Variants in FBXL13 observed in about 807,000 individuals in gnomAD.
FBXL13 encodes F-box and leucine-rich repeat protein 13.
In FBXL13, 67 loss-of-function variants were observed where a neutral mutation model predicts 83.6. That is an observed-to-expected ratio of 0.80 (90% CI 0.66 to 0.98). FBXL13 has a LOEUF of 0.98. Ranked by LOEUF, FBXL13 falls within the 50% of genes least tolerant of loss-of-function variation. The pLI is 0.00. For missense variants in FBXL13, 822 were observed against 866.5 expected (o/e 0.95, Z 0.64); for synonymous variants, 272 against 299.5 (o/e 0.91, Z 0.95).
intron 1 of FBXL13, among the ~76,000 whole-genome samples, chr7:103,068,245 A>C (rs755733159): frequency 6.6e-6 from 1 of 152,244 alleles, no homozygotes; most frequent in African/African-American, 2.4e-5. Context: ...CCAACAAAAC[A>C]TAGAGATTGG....
chr7:102,873,055 T>C (rs1263924801), intron 16 of FBXL13, among the ~76,000 whole-genome samples: 1 of 152,226 alleles, frequency 6.6e-6, no homozygotes, highest in Non-Finnish European at 1.5e-5. Flanking sequence ...AAGTTAGCTC[T>C]CTCCAATAAA....
At chr7:103,043,830 A>T (rs1796001061) in intron 2 of FBXL13, among the ~76,000 whole-genome samples, 1 of 152,276 alleles carries the variant, frequency 6.6e-6, no homozygotes, top group South Asian at 2.1e-4. Flanking sequence ...TACACATCTT[A>T]AAAGCAAAAA....
At chr7:102,975,616 G>A (rs920481543) in intron 6 of FBXL13, among the ~76,000 whole-genome samples, 1 of 152,136 alleles carries the variant, frequency 6.6e-6, no homozygotes, top group African/African-American at 2.4e-5. Flanking sequence ...AGGTCCTAAC[G>A]AAAACCCAGC....
chr7:102,918,550 T>C (rs7807900), intron 10 of FBXL13, among the ~76,000 whole-genome samples: 5,443 of 152,268 alleles, frequency 0.036, 292 homozygotes, highest in African/African-American at 0.12. Flanking sequence ...ACAGAGTGGA[T>C]CATGCCTATA....
intron 8 of FBXL13, among the ~76,000 whole-genome samples, chr7:102,957,347 A>G (rs1451781211): frequency 1.3e-5 from 2 of 152,232 alleles, no homozygotes; most frequent in Non-Finnish European, 2.9e-5. Context: ...GAAAGCTGAA[A>G]CTGGATCCCT....
intron 11 of FBXL13, among the ~76,000 whole-genome samples, chr7:102,890,125 C>T (rs1811351523): frequency 6.6e-6 from 1 of 152,208 alleles, no homozygotes; most frequent in Non-Finnish European, 1.5e-5. Flanking sequence ...TTATGACTCA[C>T]ATATTCCTCC....
intron 18 of FBXL13, among the ~76,000 whole-genome samples, chr7:102,824,939 T>G (rs1799374376): frequency 1.3e-5 from 2 of 152,146 alleles, no homozygotes; most frequent in Non-Finnish European, 2.9e-5. Context: ...CTTGCTTTTT[T>G]GTTTTTCCTA....
chr7:102,919,361 A>G (rs1252593444), intron 10 of FBXL13, among the ~76,000 whole-genome samples: 1 of 152,258 alleles, frequency 6.6e-6, no homozygotes, highest in Non-Finnish European at 1.5e-5. Context: ...GGACAGGAAT[A>G]AAATCGGATC....
rs73410116 is a variant in FBXL13, at chr7:103,028,222, T to C, written c.217+378A>G. Among the ~76,000 whole-genome samples the C allele has an allele frequency of 6.7e-3, 1,022 of 152,290 alleles. 12 individuals are homozygous for C. The highest frequency in any genetic ancestry group is 0.023 in the African/African-American group (945 of 41,548). ...TTTTATTTTTTAGTTTCGTCATATATACATTAAATATAATCTTTGTAAAAA... is the reference window on the plus strand; with the variant it reads ...TTTTATTTTTTAGTTTCGTCATATACACATTAAATATAATCTTTGTAAAAA... On this transcript the variant is annotated intron_variant, in intron 4 of 19. Transcript: ENST00000313221.
chr7:102,836,122 C>A (rs1378112139), intron 17 of FBXL13, among the ~76,000 whole-genome samples: 1 of 152,214 alleles, frequency 6.6e-6, no homozygotes, highest in African/African-American at 2.4e-5. Flanking sequence ...CTGCTCGAAT[C>A]AAATCTGCCT....
Position 103,030,471 on chromosome 7 carries a change from A to G in FBXL13, c.1-1053T>C, listed in dbSNP as rs1794388133. 2.6e-5 allele frequency among the ~76,000 whole-genome samples: 4 copies of G among 152,348 alleles called. No homozygotes were observed. In the South Asian group the frequency reaches 8.3e-4, roughly 32 times the overall value. On this transcript the variant is annotated intron_variant, in intron 2 of 19. Transcript: ENST00000313221. ...AAAGGAGTATTGAGGATATTACAGC[A>G]GGCAGAATAAAAACCAAGAAGGGGA...
At chr7:102,832,950 A>G (rs1800980258) in exon 18 of FBXL13, 1 of 1,614,212 alleles carries the variant, frequency 6.2e-7, no homozygotes, top group Non-Finnish European at 8.5e-7. Flanking sequence ...AAATGTTCCA[A>G]GATCAGTGAG....
chr7:102,992,398 C>G (rs1203209389), intron 6 of FBXL13, among the ~76,000 whole-genome samples: 1 of 152,186 alleles, frequency 6.6e-6, no homozygotes, highest in Non-Finnish European at 1.5e-5. Flanking sequence ...TGCCCAGCCA[C>G]AGCTGTCACA....
At chr7:103,027,013 G>T (rs965962556) in intron 5 of FBXL13, among the ~76,000 whole-genome samples, 2 of 152,104 alleles carry the variant, frequency 1.3e-5, no homozygotes, top group Non-Finnish European at 2.9e-5. Context: ...AAGAATCCCG[G>T]CCAGACACGG....
intron 6 of FBXL13, among the ~76,000 whole-genome samples, chr7:102,993,830 G>T (rs1303708071): frequency 6.6e-6 from 1 of 152,182 alleles, no homozygotes; most frequent in Admixed American, 6.5e-5. Context: ...ACTACAGTTT[G>T]TTATGTGTAT....
At chr7:102,939,424 T>G (rs530370438) in intron 8 of FBXL13, 2 of 1,604,880 alleles carry the variant, frequency 1.2e-6, no homozygotes, top group Admixed American at 3.5e-5. Context: ...TTATTAAATT[T>G]TCCAGAGTTG....
At chr7:103,020,675 C>A (rs572820446) in intron 6 of FBXL13, among the ~76,000 whole-genome samples, 5 of 152,278 alleles carry the variant, frequency 3.3e-5, no homozygotes, top group African/African-American at 1.2e-4. Context: ...CACAAGCATT[C>A]CTATACACAA....
intron 17 of FBXL13, among the ~76,000 whole-genome samples, chr7:102,834,086 AAAAGAAAGAAAGAAAGAAAGAAAGAAAG>A (rs751744146): frequency 1.1e-5 from 1 of 93,678 alleles, no homozygotes; most frequent in Non-Finnish European, 2.0e-5. Context: ...GGAAGGAAAG[AAAAGAAAGAAAGAAAGAAAGAAAGAAAG>A]AAAGAAAGAA....
chr7:102,917,916 G>A (rs1816221006), intron 10 of FBXL13, among the ~76,000 whole-genome samples: 1 of 152,158 alleles, frequency 6.6e-6, no homozygotes, highest in Admixed American at 6.6e-5. Flanking sequence ...GAATGGGCAT[G>A]AGCTTTAGGC....
Sources: gnomAD v4.1 joint callset for allele counts (sites outside exome capture counted in the v4.1 genomes callset) on GRCh38, gnomAD v4.1.1 for gene constraint, MANE v1.5 for transcripts, NCBI Gene and HGNC (gene_info 2026-07-23, HGNC 2026-07-21) for gene names.